The following RALGAPA2 variants were observed in gnomAD, a reference collection of about 807,000 sequenced individuals.
RALGAPA2 encodes the protein Ral GTPase activating protein catalytic subunit alpha 2.
A neutral mutation model predicts 230.4 loss-of-function variants in RALGAPA2; 139 were observed. That is an observed-to-expected ratio of 0.60 (90% CI 0.53 to 0.69). The LOEUF is 0.69. RALGAPA2 is among the 30% of genes least tolerant of loss of function. The pLI is 0.00. For synonymous variants in RALGAPA2, 847 were observed against 837.8 expected (o/e 1.01, Z -0.19); for missense variants, 2,163 against 2,276.0 (o/e 0.95, Z 1.01).
intron 35 of RALGAPA2, among the ~76,000 whole-genome samples, chr20:20,499,917 T>G (rs1169098802): frequency 3.3e-5 from 5 of 152,190 alleles, no homozygotes; most frequent in Admixed American, 6.5e-5. Context: ...TTTTAGATAT[T>G]GCAAATACAG....
chr20:20,582,217 A>G (rs1283555733), intron 20 of RALGAPA2, among the ~76,000 whole-genome samples: 2 of 148,160 alleles, frequency 1.3e-5, no homozygotes, highest in Non-Finnish European at 3.0e-5. Flanking sequence ...TGTAGCTAAA[A>G]CTGCAGACTA....
chr20:20,566,852 T>C (rs1257937317), intron 23 of RALGAPA2, among the ~76,000 whole-genome samples: 1 of 152,224 alleles, frequency 6.6e-6, no homozygotes, highest in East Asian at 1.9e-4. Flanking sequence ...ATCTTAACTT[T>C]ATGCTGTTAT....
rs1156343219 is a variant in RALGAPA2 at position 20,391,723 on chromosome 20, C to CA, written c.*1565dup. 1 of 152,358 alleles carries CA rather than the reference C, an allele frequency of 6.6e-6. No homozygotes were observed. Among genetic ancestry groups the CA allele is most frequent in the African/African-American group, 2.4e-5 (1 of 41,458 alleles). The allele number at this position is 152,358 out of a possible 1,614,324, so 9.4% of individuals were successfully genotyped here. On this transcript the variant is annotated 3_prime_UTR_variant, in exon 40 of 40. Coordinates refer to ENST00000202677, the MANE Select transcript of RALGAPA2 (RefSeq NM_020343.4). Reference sequence around the variant, plus strand: ...GGGTGAGAGCCTCAGAAGGCTTCTTCAGGCCTGGGTGGCCAAGCAGCCTGA... The same window carrying CA: ...GGGTGAGAGCCTCAGAAGGCTTCTTCAAGGCCTGGGTGGCCAAGCAGCCTGA...
intron 33 of RALGAPA2, among the ~76,000 whole-genome samples, chr20:20,508,709 C>T (rs1473223819): frequency 1.3e-5 from 2 of 152,228 alleles, no homozygotes; most frequent in Admixed American, 6.5e-5. Flanking sequence ...ATTTTCTTAC[C>T]TGCTACCTGA....
chr20:20,656,959 A>G (rs1357695338), intron 3 of RALGAPA2, among the ~76,000 whole-genome samples: 1 of 152,230 alleles, frequency 6.6e-6, no homozygotes, highest in Admixed American at 6.5e-5. Context: ...GCGAGAGATG[A>G]AGACAAGCCT....
chr20:20,698,877 A>G (rs2069229139), intron 1 of RALGAPA2, among the ~76,000 whole-genome samples: 1 of 152,262 alleles, frequency 6.6e-6, no homozygotes, highest in Admixed American at 6.5e-5. Context: ...CTTTTCAGAA[A>G]GATTGTTCCA....
chr20:20,477,751 A>C, intron 36 of RALGAPA2, among the ~76,000 whole-genome samples: 1 of 152,064 alleles, frequency 6.6e-6, no homozygotes, highest in South Asian at 2.1e-4. Flanking sequence ...AAGCCCAGCT[A>C]ATTTTTTTGT....
At position 20,601,715 on chromosome 20, in the gene RALGAPA2, T is replaced by C. The variant is rs1267811236; in HGVS notation, c.2170A>G (p.Lys724Glu). The C allele has an allele frequency of 2.5e-6, 4 of 1,613,658 alleles. No individual in the cohort carries two copies. The Admixed American group carries it at 6.7e-5, about 27-fold the overall frequency. The change falls in exon 16 of 40, where the codon AAG becomes GAG. Residue 724 changes from lysine (K) to glutamate (E), a missense_variant. Coordinates refer to ENST00000202677, the MANE Select transcript of RALGAPA2 (RefSeq NM_020343.4). ...TTTTGGCGAACAATATTTCTTGCCT[T>C]TTCCACTCCCGGTGCTCCAGACGTG... ...ATTSGAPGVEKARNIVRQKAT... is the reference protein window; with the variant it reads ...ATTSGAPGVEEARNIVRQKAT...
intron 3 of RALGAPA2, among the ~76,000 whole-genome samples, chr20:20,654,331 G>T (rs2067511631): frequency 6.6e-6 from 1 of 152,176 alleles, no homozygotes; most frequent in South Asian, 2.1e-4. Context: ...TGGGATTACA[G>T]GTGCTTGCCA....
intron 37 of RALGAPA2, among the ~76,000 whole-genome samples, chr20:20,450,973 T>A (rs2060975187): frequency 1.3e-5 from 2 of 152,122 alleles, no homozygotes; most frequent in Non-Finnish European, 2.9e-5. Context: ...GGTAATAGGA[T>A]AAAATAAAAG....
At position 20,692,297 on chromosome 20, in the gene RALGAPA2, CATAA is replaced by C. The variant is rs558755414; in HGVS notation, c.107-11500_107-11497del. ...CTGTTTAAATTATAAAAAAATTTTC[CATAA>C]ATATATATTCAAAAATTTATCATAA... On this transcript the variant is annotated intron_variant, in intron 1 of 39. Transcript: ENST00000202677. Among the ~76,000 whole-genome samples the C allele has an allele frequency of 7.2e-5, 11 of 152,274 alleles. No individual in the cohort carries two copies. In the South Asian group the frequency reaches 2.3e-3, roughly 32 times the overall value.
intron 20 of RALGAPA2, among the ~76,000 whole-genome samples, chr20:20,580,232 T>C (rs531925226): frequency 6.6e-6 from 1 of 152,306 alleles, no homozygotes; most frequent in East Asian, 1.9e-4. Context: ...TATATTTTCT[T>C]ATTTTCTGTC....
At chr20:20,581,396 T>G (rs771339449) in intron 20 of RALGAPA2, among the ~76,000 whole-genome samples, 1 of 152,168 alleles carries the variant, frequency 6.6e-6, no homozygotes, top group African/African-American at 2.4e-5. Flanking sequence ...TCTGTAAGGA[T>G]TCTCAAGTAG....
At chr20:20,516,134 A>G (rs930471941) in intron 31 of RALGAPA2, among the ~76,000 whole-genome samples, 12 of 152,108 alleles carry the variant, frequency 7.9e-5, no homozygotes, top group Non-Finnish European at 1.5e-4. Flanking sequence ...CTGGAACATT[A>G]CCCTGAAAAC....
intron 9 of RALGAPA2, among the ~76,000 whole-genome samples, chr20:20,634,607 T>G (rs1298471854): frequency 6.6e-6 from 1 of 152,206 alleles, no homozygotes; most frequent in African/African-American, 2.4e-5. Flanking sequence ...GTCTGTGCAT[T>G]CTTTCAGCTC....
At chr20:20,559,140 AT>A (rs1269661565) in intron 23 of RALGAPA2, among the ~76,000 whole-genome samples, 1 of 152,150 alleles carries the variant, frequency 6.6e-6, no homozygotes, top group African/African-American at 2.4e-5. Context: ...CTCTTAGTTT[AT>A]TTTCTTACAA....
chr20:20,504,647 A>G (rs1358474513), intron 34 of RALGAPA2, among the ~76,000 whole-genome samples: 3 of 151,842 alleles, frequency 2.0e-5, no homozygotes, highest in Non-Finnish European at 4.4e-5. Context: ...AATTGCTGGA[A>G]CCCGGGAGGT....
Position 20,617,058 on chromosome 20 carries a change from T to C in RALGAPA2, c.1540-867A>G, listed in dbSNP as rs75086664. On this transcript the variant is annotated intron_variant, in intron 12 of 39. Transcript: ENST00000202677. ...TTACACAGTTGACACCAGTGTCCCA[T>C]CATCTGCAGATATTCTGAGTTGTCA... Among the ~76,000 whole-genome samples, 458 of 152,326 alleles carry C rather than the reference T, an allele frequency of 3.0e-3. 1 individual carries two copies. Among genetic ancestry groups the C allele is most frequent in the Non-Finnish European group, 5.2e-3 (353 of 68,034 alleles).
At chr20:20,676,174 G>A in intron 3 of RALGAPA2, 62 bp downstream of exon 3, 6 of 1,157,462 alleles carry the variant, frequency 5.2e-6, no homozygotes, top group South Asian at 1.9e-5. Flanking sequence ...TAAAATTAAA[G>A]ATCAAAAATA....
Sources: gnomAD v4.1 joint callset for allele counts (sites outside exome capture counted in the v4.1 genomes callset) on GRCh38, gnomAD v4.1.1 for gene constraint, MANE v1.5 for transcripts, NCBI Gene and HGNC (gene_info 2026-07-23, HGNC 2026-07-21) for gene names.